MKLN1: variants seen among roughly 807,000 people sequenced by gnomAD.
MKLN1 encodes the protein muskelin 1, also known as muskelin.
A neutral mutation model predicts 99.0 loss-of-function variants in MKLN1; 18 were observed. The observed-to-expected ratio is 0.18, with a 90% confidence interval of 0.13 to 0.27. The LOEUF is 0.27. Ranked by LOEUF, MKLN1 falls within the 10% of genes least tolerant of loss-of-function variation. The pLI is 1.00. For missense variants in MKLN1, 621 were observed against 875.9 expected, an observed-to-expected ratio of 0.71 and a Z score of 3.67; for synonymous variants, 288 against 293.2, an observed-to-expected ratio of 0.98 and a Z score of 0.18.
intron 3 of MKLN1, among the ~76,000 whole-genome samples, chr7:131,292,900 C>A (rs1156287650): frequency 6.6e-6 from 1 of 152,210 alleles, no homozygotes; most frequent in Non-Finnish European, 1.5e-5. Context: ...AATCAAGTTT[C>A]AAGCTTAACA....
Position 131,452,544 on chromosome 7 carries a change from C to CTTTTTTTT in MKLN1, c.1525+6659_1525+6666dup, listed in dbSNP as rs1159344518. 3.7e-3 allele frequency among the ~76,000 whole-genome samples: 263 copies of CTTTTTTTT among 70,366 alleles called. 4 individuals carry two copies. Among genetic ancestry groups the CTTTTTTTT allele is most frequent in the Middle Eastern group, 0.014 (1 of 74 alleles). The allele number at this position is 70,366 out of a possible 152,430, so 46.2% of individuals were successfully genotyped here. A position where few individuals can be genotyped will look rare whatever the true frequency, so the allele number is the denominator to read the frequency against. On this transcript the variant is annotated intron_variant, in intron 12 of 17. Transcript: ENST00000352689. ...TCTTTATGTTTCTGATCCTTTTATACTTTTTTTTTTTTTTTTTTTTTTTTT... is the reference window on the plus strand; with the variant it reads ...TCTTTATGTTTCTGATCCTTTTATACTTTTTTTTTTTTTTTTTTTTTTTTTTTTTTTTT...
intron 9 of MKLN1, among the ~76,000 whole-genome samples, chr7:131,429,827 G>A (rs1391869435): frequency 2.6e-5 from 4 of 152,114 alleles, no homozygotes; most frequent in South Asian, 2.1e-4. Context: ...TGATCCACCC[G>A]CCTCGGCCTC....
chr7:131,261,545 G>A (rs1263790258), intron 3 of MKLN1, among the ~76,000 whole-genome samples: 1 of 152,140 alleles, frequency 6.6e-6, no homozygotes, highest in African/African-American at 2.4e-5. Context: ...ATTGGTGGTG[G>A]GAATGTAAAT....
At chr7:131,382,881 G>A (rs972011603) in intron 2 of MKLN1, among the ~76,000 whole-genome samples, 1 of 151,724 alleles carries the variant, frequency 6.6e-6, no homozygotes, top group Non-Finnish European at 1.5e-5. Context: ...CCACCACCAC[G>A]CCCGGCTAAT....
At chr7:131,398,676 G>T (rs577799552) in intron 5 of MKLN1, among the ~76,000 whole-genome samples, 22 of 151,530 alleles carry the variant, frequency 1.5e-4, no homozygotes, top group Admixed American at 3.3e-4. Flanking sequence ...GGGAGACAGA[G>T]CAAGACCCTG....
At chr7:131,153,156 A>G in intron 2 of MKLN1, among the ~76,000 whole-genome samples, 1 of 151,938 alleles carries the variant, frequency 6.6e-6, no homozygotes, top group Middle Eastern at 3.2e-3. Context: ...GATTGTAAAA[A>G]TGGTAATATT....
intron 10 of MKLN1, among the ~76,000 whole-genome samples, chr7:131,439,772 T>C (rs560964891): frequency 6.6e-6 from 1 of 152,184 alleles, no homozygotes; most frequent in African/African-American, 2.4e-5. Context: ...TCTGGATTTC[T>C]TAAGAACATA....
intron 1 of MKLN1, among the ~76,000 whole-genome samples, chr7:131,354,515 G>T (rs958707141): frequency 3.6e-5 from 5 of 140,822 alleles, no homozygotes; most frequent in East Asian, 2.0e-4. Flanking sequence ...TTTTTTTTGT[G>T]GGGGGGGGCG....
intron 6 of MKLN1, among the ~76,000 whole-genome samples, chr7:131,399,752 T>C (rs1563329386): frequency 6.6e-6 from 1 of 152,194 alleles, no homozygotes; most frequent in Non-Finnish European, 1.5e-5. Flanking sequence ...TAGCCAATAT[T>C]CATTAACAGT....
In MKLN1 at chr7:131,315,458, A is replaced by G. The variant is rs190716190; in HGVS notation, c.-178-59966A>G. Among the ~76,000 whole-genome samples the G allele has an allele frequency of 3.5e-4, 53 of 152,288 alleles. No homozygotes were observed. In the East Asian group the frequency reaches 9.5e-3, roughly 27 times the overall value. Reference sequence around the variant, plus strand: ...CTACACCACCAGGGCCCTGGGTTTCAAGCACAAAACCAGGAGGCTGTTTGG... The same window carrying G: ...CTACACCACCAGGGCCCTGGGTTTCGAGCACAAAACCAGGAGGCTGTTTGG... On this transcript the variant is annotated intron_variant, in intron 3 of 7. Transcript: ENST00000416992.
chr7:131,490,367 A>T lies in MKLN1; in HGVS notation c.*2639A>T, dbSNP rs916476947. On this transcript the variant is annotated 3_prime_UTR_variant, in exon 18 of 18. Transcript: ENST00000352689. ...TTCCTAGTATAATACATTGTTTTCA[A>T]CCAGAAATTAAAGTAGATATCCAAC... is the stretch of plus-strand genomic sequence containing the variant. The T allele has an allele frequency of 6.6e-6, 1 of 152,570 alleles. No homozygotes were observed. Among genetic ancestry groups the T allele is most frequent in the African/African-American group, 2.4e-5 (1 of 41,440 alleles). The allele number at this position is 152,570 out of a possible 1,614,324, so 9.5% of individuals were successfully genotyped here.
chr7:131,407,361 T>C (rs909009094), intron 6 of MKLN1, among the ~76,000 whole-genome samples: 2 of 152,022 alleles, frequency 1.3e-5, no homozygotes, highest in Non-Finnish European at 2.9e-5. Flanking sequence ...GGTATTTGGC[T>C]ACTTTCATCT....
intron 1 of MKLN1, among the ~76,000 whole-genome samples, chr7:131,337,337 A>C (rs117152241): frequency 0.015 from 2,286 of 152,122 alleles, 25 homozygotes; most frequent in Middle Eastern, 0.024. Context: ...GACTCCAATT[A>C]AATCTTTATT....
rs1794117715 is a variant in MKLN1, at chr7:131,389,081, T to G, written c.400+109T>G. On this transcript the variant is annotated intron_variant, in intron 4 of 17. Coordinates refer to ENST00000352689, the MANE Select transcript of MKLN1 (RefSeq NM_013255.5). ...GCCTCTTGTTTTTTTAAATACAATT[T>G]TATGGGAATATTGCTGCGCTGGTTT... 3 of 631,810 alleles carry G rather than the reference T, an allele frequency of 4.7e-6. No homozygotes were observed. In the African/African-American group the frequency reaches 5.6e-5, roughly 12 times the overall value. 39.1% of individuals were successfully genotyped at this position (631,810 alleles called of 1,614,324 possible).
chr7:131,200,214 C>G (rs1229703978), intron 2 of MKLN1, among the ~76,000 whole-genome samples: 2 of 152,124 alleles, frequency 1.3e-5, no homozygotes, highest in Non-Finnish European at 2.9e-5. Flanking sequence ...TAAGAAACTC[C>G]CACCCTGAGA....
chr7:131,298,179 A>G (rs975030685), intron 3 of MKLN1, among the ~76,000 whole-genome samples: 1 of 152,054 alleles, frequency 6.6e-6, no homozygotes, highest in South Asian at 2.1e-4. Flanking sequence ...GCTGAGGCAG[A>G]AGAATGGCGT....
intron 1 of MKLN1, among the ~76,000 whole-genome samples, chr7:131,334,289 C>T (rs1003744960): frequency 3.9e-5 from 6 of 152,190 alleles, no homozygotes; most frequent in Non-Finnish European, 7.3e-5. Context: ...CTATTATGCC[C>T]TTCCTTTTCT....
chr7:131,115,837 C>G (rs1210127016), intron 1 of MKLN1, among the ~76,000 whole-genome samples: 1 of 152,140 alleles, frequency 6.6e-6, no homozygotes, highest in Non-Finnish European at 1.5e-5. Flanking sequence ...CAAAGAAGCC[C>G]TCCCTGACCA....
intron 15 of MKLN1, among the ~76,000 whole-genome samples, chr7:131,469,242 A>G (rs556792785): frequency 2.8e-4 from 43 of 152,264 alleles, no homozygotes; most frequent in African/African-American, 9.4e-4. Flanking sequence ...GGCCAGACGG[A>G]CGGACGGACA....
Sources: allele counts gnomAD v4.1 joint callset (sites outside exome capture counted in the v4.1 genomes callset), GRCh38; gene constraint gnomAD v4.1.1; transcripts MANE v1.5; gene names NCBI Gene and HGNC (gene_info 2026-07-23, HGNC 2026-07-21).